UNC13B: variants seen among roughly 807,000 people sequenced by gnomAD.
The protein encoded by UNC13B is unc-13 homolog B.
In UNC13B, 144 loss-of-function variants were observed where a neutral mutation model predicts 211.0. The ratio of observed to expected loss-of-function variants is 0.68; its 90% CI spans 0.60 to 0.78. UNC13B has a LOEUF of 0.78. Among genes scored for constraint, UNC13B ranks in the 30% least tolerant of loss-of-function variants. UNC13B has a pLI of 0.00. For missense variants in UNC13B, 1,777 were observed against 2,002.0 expected (o/e 0.89, Z 2.14); for synonymous variants, 709 against 725.8 (o/e 0.98, Z 0.37).
At chr9:35,261,902 C>T (rs1458307003) in intron 7 of UNC13B, among the ~76,000 whole-genome samples, 3 of 152,136 alleles carry the variant, frequency 2.0e-5, no homozygotes, top group Admixed American at 6.6e-5. Context: ...GCTTATTTCA[C>T]ACAACATAAT....
intron 5 of UNC13B, among the ~76,000 whole-genome samples, chr9:35,238,095 T>C (rs913261010): frequency 1.3e-5 from 2 of 152,218 alleles, no homozygotes; most frequent in African/African-American, 4.8e-5. Flanking sequence ...TTATGAAATA[T>C]TTGCTTGTTA....
chr9:35,209,559 G>T (rs542958807), intron 1 of UNC13B, among the ~76,000 whole-genome samples: 2 of 152,050 alleles, frequency 1.3e-5, no homozygotes, highest in Middle Eastern at 3.4e-3. Flanking sequence ...TGCATTTTTA[G>T]TAGAGATGGG....
chr9:35,376,556 C>A (rs377333407), intron 15 of UNC13B, among the ~76,000 whole-genome samples: 48 of 152,292 alleles, frequency 3.2e-4, no homozygotes, highest in African/African-American at 1.0e-3. Context: ...AGCACAGCGG[C>A]CTTATTGTCC....
intron 11 of UNC13B, chr9:35,364,515 C>G: frequency 2.0e-6 from 3 of 1,535,930 alleles, no homozygotes; most frequent in Non-Finnish European, 2.6e-6. Context: ...AACCTTTCTG[C>G]CCTTTTTTCT....
chr9:35,278,863 C>A (rs1175851771), intron 7 of UNC13B, among the ~76,000 whole-genome samples: 1 of 152,092 alleles, frequency 6.6e-6, no homozygotes, highest in African/African-American at 2.4e-5. Context: ...CCACTACTGC[C>A]ATTTACTGTG....
intron 6 of UNC13B, among the ~76,000 whole-genome samples, chr9:35,248,533 C>T (rs1360132240): frequency 6.6e-6 from 1 of 152,040 alleles, no homozygotes; most frequent in East Asian, 1.9e-4. Flanking sequence ...TTGAATGTGT[C>T]CCAGAGATTC....
chr9:35,280,878 G>A (rs1464494954), intron 7 of UNC13B, among the ~76,000 whole-genome samples: 1 of 152,142 alleles, frequency 6.6e-6, no homozygotes, highest in Non-Finnish European at 1.5e-5. Flanking sequence ...TCAGATTAAT[G>A]TATCAAAGTT....
rs1321310031 is a variant in UNC13B, at chr9:35,307,252, T to C, written c.7848T>C (p.Gly2616=). 1.3e-5 allele frequency: 5 copies of C among 398,844 alleles called. No homozygotes were observed. The highest frequency in any genetic ancestry group is 6.2e-4 in the Middle Eastern group (1 of 1,612). 24.7% of individuals were successfully genotyped at this position (398,844 alleles called of 1,614,324 possible). The change falls in exon 9 of 40, where the codon GGT becomes GGC. Residue 2616 remains glycine, a synonymous_variant. Coordinates refer to ENST00000635942, the MANE Select transcript of UNC13B (RefSeq NM_001371189.2). ...SETINTSSFS[G]DDTGQGVLSL... is the part of the protein sequence containing the mutation. ...CAATTAATACATCTTCTTTCTCGGG[T>C]GATGATACTGGGCAAGGAGTATTGT...
intron 1 of UNC13B, among the ~76,000 whole-genome samples, chr9:35,192,063 C>T (rs1822689319): frequency 1.3e-5 from 2 of 152,208 alleles, no homozygotes; most frequent in Admixed American, 1.3e-4. Context: ...AAAAGCCTGA[C>T]TGGTAAGAAA....
At chr9:35,178,313 T>C (rs1445727365) in intron 1 of UNC13B, among the ~76,000 whole-genome samples, 1 of 151,914 alleles carries the variant, frequency 6.6e-6, no homozygotes, top group Non-Finnish European at 1.5e-5. Flanking sequence ...GGTTCAAGAC[T>C]AGTCTGGGCA....
Position 35,307,351 on chromosome 9 carries a change from T to C in UNC13B, c.7947T>C (p.Phe2649=). Residue 2649 remains phenylalanine (F), a synonymous_variant, in exon 9 of 40, where the codon TTT becomes TTC. Transcript: ENST00000635942. ...DTEASLEAEN[F]ALPAQLHPDP... ...AGGCATCGTTAGAAGCAGAGAACTT[T>C]GCGCTGCCAGCACAGTTGCATCCAG... 2.5e-6 allele frequency: 1 copy of C among 399,058 alleles called. No homozygotes were observed. The highest frequency in any genetic ancestry group is 4.4e-6 in the Non-Finnish European group (1 of 226,098). The allele number at this position is 399,058 out of a possible 1,614,324, so 24.7% of individuals were successfully genotyped here. A position where few individuals can be genotyped will look rare whatever the true frequency, so the allele number is the denominator to read the frequency against.
intron 3 of UNC13B, among the ~76,000 whole-genome samples, chr9:35,232,014 A>G (rs1257618197): frequency 1.3e-5 from 2 of 151,732 alleles, no homozygotes; most frequent in Non-Finnish European, 1.5e-5. Flanking sequence ...GGAGGTGGGC[A>G]TGAAGGGGCT....
chr9:35,175,743 G>T (rs904943589), intron 1 of UNC13B, among the ~76,000 whole-genome samples: 1 of 151,984 alleles, frequency 6.6e-6, no homozygotes, highest in Non-Finnish European at 1.5e-5. Flanking sequence ...AAGGCCAGGC[G>T]TGGTGGCTCA....
chr9:35,260,089 A>G (rs974115540), intron 7 of UNC13B, among the ~76,000 whole-genome samples: 1 of 138,162 alleles, frequency 7.2e-6, no homozygotes, highest in Non-Finnish European at 1.6e-5. Flanking sequence ...ATGTGCCTGT[A>G]GTCCCAGATA....
intron 1 of UNC13B, among the ~76,000 whole-genome samples, chr9:35,216,116 C>A (rs1470837419): frequency 6.6e-6 from 1 of 152,160 alleles, no homozygotes; most frequent in African/African-American, 2.4e-5. Context: ...ATCTGTTAAT[C>A]ATCTAAAATC....
At chr9:35,389,721 G>A in intron 24 of UNC13B, 125 bp from the exon 25 acceptor site, 2 of 1,009,386 alleles carry the variant, frequency 2.0e-6, no homozygotes, top group Non-Finnish European at 2.9e-6. Context: ...CTCTAGGAGA[G>A]GAAAGGTCCT....
intron 5 of UNC13B, 86 bp downstream of exon 5, chr9:35,237,912 C>A: frequency 1.5e-6 from 2 of 1,360,778 alleles, no homozygotes; most frequent in Non-Finnish European, 2.0e-6. Context: ...TATATTTTGT[C>A]ACCTCAGCCA....
At chr9:35,362,776 GGCA>G (rs1186771352) in intron 11 of UNC13B, among the ~76,000 whole-genome samples, 1 of 150,104 alleles carries the variant, frequency 6.7e-6, no homozygotes, top group Non-Finnish European at 1.5e-5. Flanking sequence ...CTCTAGCCTG[GGCA>G]ATAGAGCGAG....
At chr9:35,332,166 G>A (rs1403186916) in intron 11 of UNC13B, among the ~76,000 whole-genome samples, 1 of 152,032 alleles carries the variant, frequency 6.6e-6, no homozygotes, top group East Asian at 1.9e-4. Flanking sequence ...TGTATTTTTA[G>A]TACAGATGGG....
Sources: gnomAD v4.1 joint callset for allele counts (sites outside exome capture counted in the v4.1 genomes callset) on GRCh38, gnomAD v4.1.1 for gene constraint, MANE v1.5 for transcripts, NCBI Gene and HGNC (gene_info 2026-07-23, HGNC 2026-07-21) for gene names.